Variants in UBAC2 observed in about 807,000 individuals in gnomAD.
UBAC2 encodes the protein ubiquitin-associated domain-containing protein 2.
UBAC2 carries 26 observed loss-of-function variants against 44.0 expected under a neutral mutation model. The ratio of observed to expected loss-of-function variants is 0.59; its 90% CI spans 0.43 to 0.82. The LOEUF is 0.82. Ranked by LOEUF, UBAC2 falls within the 40% of genes least tolerant of loss-of-function variation. The pLI, the probability that UBAC2 is intolerant of heterozygous loss-of-function variation, is 0.00. For missense variants in UBAC2, 329 were observed against 419.4 expected (o/e 0.78, Z 1.88); for synonymous variants, 155 against 154.3 (o/e 1.00, Z -0.04).
At chr13:99,247,508 C>G (rs1005178683) in intron 4 of UBAC2, among the ~76,000 whole-genome samples, 2 of 152,060 alleles carry the variant, frequency 1.3e-5, no homozygotes, top group Non-Finnish European at 2.9e-5. Context: ...GCCACCGCGC[C>G]CGGCCTGTGT....
At chr13:99,346,716 C>G (rs1175517090) in intron 7 of UBAC2, among the ~76,000 whole-genome samples, 1 of 152,202 alleles carries the variant, frequency 6.6e-6, no homozygotes, top group Non-Finnish European at 1.5e-5. Flanking sequence ...CCCCAGCTTC[C>G]TGGGGGGCTC....
intron 4 of UBAC2, among the ~76,000 whole-genome samples, chr13:99,306,486 T>C (rs1214945063): frequency 6.6e-6 from 1 of 151,824 alleles, no homozygotes; most frequent in African/African-American, 2.4e-5. Context: ...GTACTCAGAG[T>C]GACACCAAAA....
chr13:99,254,323 C>G (rs1276171677), intron 4 of UBAC2, among the ~76,000 whole-genome samples: 1 of 152,192 alleles, frequency 6.6e-6, no homozygotes, highest in Non-Finnish European at 1.5e-5. Context: ...TGTTGAATGA[C>G]TATTCTCTGT....
At chr13:99,260,291 CT>C (rs760500488) in intron 4 of UBAC2, among the ~76,000 whole-genome samples, 165 of 152,314 alleles carry the variant, frequency 1.1e-3, no homozygotes, top group Non-Finnish European at 1.2e-3. Flanking sequence ...TATTTACTTG[CT>C]TTTTCTCCTC....
At chr13:99,381,414 C>G (rs987359677) in intron 8 of UBAC2, among the ~76,000 whole-genome samples, 4 of 152,254 alleles carry the variant, frequency 2.6e-5, no homozygotes, top group Non-Finnish European at 5.9e-5. Flanking sequence ...TTCGTTTGTG[C>G]TGGCTGGGTG....
chr13:99,329,947 A>G (rs1369486299), intron 6 of UBAC2, among the ~76,000 whole-genome samples: 1 of 152,220 alleles, frequency 6.6e-6, no homozygotes, highest in Non-Finnish European at 1.5e-5. Context: ...TACTACAACA[A>G]TCTTAACAGT....
chr13:99,202,515 A>G, intron 1 of UBAC2, among the ~76,000 whole-genome samples: 1 of 152,242 alleles, frequency 6.6e-6, no homozygotes, highest in East Asian at 1.9e-4. Flanking sequence ...GTACATATAA[A>G]AAAATAAAGG....
chr13:99,352,629 G>A (rs1237247385), intron 7 of UBAC2, among the ~76,000 whole-genome samples: 1 of 146,914 alleles, frequency 6.8e-6, no homozygotes, highest in Non-Finnish European at 1.5e-5. Flanking sequence ...GAAGCTTCCT[G>A]TTGCCTCTTG....
chr13:99,328,120 A>G (rs758711847), intron 6 of UBAC2, among the ~76,000 whole-genome samples: 10 of 152,162 alleles, frequency 6.6e-5, no homozygotes, highest in Admixed American at 6.5e-4. Context: ...TTTGTGTTTT[A>G]CTTCTTTCAC....
intron 4 of UBAC2, chr13:99,255,447 A>G: frequency 3.1e-6 from 5 of 1,614,050 alleles, no homozygotes; most frequent in Non-Finnish European, 4.2e-6. Context: ...AGACTCCCAC[A>G]CACGCCAGCA....
At position 99,230,671 on chromosome 13, in the gene UBAC2, T is replaced by A. The variant is rs9585026; in HGVS notation, c.32-7756T>A. On this transcript the variant is annotated intron_variant, in intron 1 of 8. Transcript: ENST00000403766. ...TTTCTTGACTCATGACCCAATTTTA[T>A]CTTCGAAGCCAAGGGTGACTGGTGG... Among the ~76,000 whole-genome samples the A allele has an allele frequency of 4.3e-3, 651 of 152,284 alleles. 3 individuals carry two copies. The highest frequency in any genetic ancestry group is 0.012 in the African/African-American group (499 of 41,552).
chr13:99,208,343 T>C (rs896506944), intron 1 of UBAC2, among the ~76,000 whole-genome samples: 6 of 152,174 alleles, frequency 3.9e-5, no homozygotes, highest in Non-Finnish European at 7.3e-5. Context: ...TGTTTGCTTT[T>C]ATGAAAAGCT....
At chr13:99,276,237 C>T (rs2043880531) in intron 4 of UBAC2, among the ~76,000 whole-genome samples, 1 of 152,150 alleles carries the variant, frequency 6.6e-6, no homozygotes, top group South Asian at 2.1e-4. Context: ...ACACTTTCTA[C>T]CTGGAGTTAG....
chr13:99,266,797 A>G lies in UBAC2; in HGVS notation c.389+22173A>G, dbSNP rs982928499. Among the ~76,000 whole-genome samples, 5 of 152,202 alleles carry G rather than the reference A, an allele frequency of 3.3e-5. 1 individual carries two copies. The highest frequency in any genetic ancestry group is 1.2e-4 in the African/African-American group (5 of 41,446). On this transcript the variant is annotated intron_variant, in intron 4 of 8. Coordinates refer to ENST00000403766, the MANE Select transcript of UBAC2 (RefSeq NM_001144072.2). The stretch of plus-strand genomic sequence containing the variant: ...TGCAGCCAACCTCCAGGACATTTTC[A>G]TCTTCCCAGACTGAAAGCCTGTACC...
chr13:99,288,623 G>A (rs1485338545), intron 4 of UBAC2, among the ~76,000 whole-genome samples: 1 of 152,104 alleles, frequency 6.6e-6, no homozygotes, highest in Non-Finnish European at 1.5e-5. Context: ...AAAAGCTAGT[G>A]GTGCTCCTCT....
chr13:99,375,056 A>G (rs1035789077), intron 8 of UBAC2, among the ~76,000 whole-genome samples: 6 of 152,230 alleles, frequency 3.9e-5, no homozygotes, highest in Admixed American at 2.0e-4. Flanking sequence ...ATGTGTTACA[A>G]TGAAATACTA....
intron 6 of UBAC2, among the ~76,000 whole-genome samples, chr13:99,323,462 A>G (rs1029862436): frequency 1.3e-5 from 2 of 152,198 alleles, no homozygotes; most frequent in African/African-American, 2.4e-5. Flanking sequence ...CAAACAAACA[A>G]AAATTTCAAG....
chr13:99,278,483 G>C (rs1371803407), intron 4 of UBAC2, among the ~76,000 whole-genome samples: 1 of 152,276 alleles, frequency 6.6e-6, no homozygotes, highest in South Asian at 2.1e-4. Flanking sequence ...TTAGCAATAA[G>C]TGACAGTTAG....
chr13:99,352,799 C>T (rs529970053), intron 7 of UBAC2, among the ~76,000 whole-genome samples: 4 of 87,734 alleles, frequency 4.6e-5, no homozygotes, highest in Non-Finnish European at 1.4e-4. Context: ...GGTCACTCTT[C>T]TGGGAGAAAT....
Sources: allele counts gnomAD v4.1 joint callset (sites outside exome capture counted in the v4.1 genomes callset), GRCh38; gene constraint gnomAD v4.1.1; transcripts MANE v1.5; gene names NCBI Gene and HGNC (gene_info 2026-07-23, HGNC 2026-07-21).